Variants in KIAA0586 observed in about 807,000 individuals in gnomAD.
KIAA0586 encodes protein TALPID3.
A neutral mutation model predicts 169.8 loss-of-function variants in KIAA0586; 144 were observed. That is an observed-to-expected ratio of 0.85 (90% CI 0.74 to 0.97). KIAA0586 has a LOEUF of 0.97. KIAA0586 is among the 50% of genes least tolerant of loss of function. The pLI is 0.00. For synonymous variants in KIAA0586, 625 were observed against 612.4 expected (o/e 1.02, Z -0.30); for missense variants, 1,854 against 1,823.0 (o/e 1.02, Z -0.31).
chr14:58,530,015 G>A (rs1755676396), intron 29 of KIAA0586, among the ~76,000 whole-genome samples: 1 of 152,086 alleles, frequency 6.6e-6, no homozygotes, highest in African/African-American at 2.4e-5. Flanking sequence ...AAAGTCTCAG[G>A]GTACAAAATC....
chr14:58,519,750 G>C (rs911531684), intron 29 of KIAA0586, among the ~76,000 whole-genome samples: 3 of 152,166 alleles, frequency 2.0e-5, no homozygotes, highest in Admixed American at 6.6e-5. Context: ...TTGTTTCCCA[G>C]TGTAGCACTG....
chr14:58,528,595 T>C, intron 29 of KIAA0586, among the ~76,000 whole-genome samples: 1 of 152,222 alleles, frequency 6.6e-6, no homozygotes, highest in East Asian at 1.9e-4. Context: ...AACCTGCTCC[T>C]GAGTGACTAC....
At chr14:58,561,033 C>T in the KIAA0586 span, among the ~76,000 whole-genome samples, 274 of 152,296 alleles carry the variant, frequency 1.8e-3, 1 homozygote, top group Middle Eastern at 6.8e-3. Context: ...GGCAGGGAGA[C>T]TGTCCACAGA....
chr14:58,529,530 T>C (rs998814856), intron 29 of KIAA0586, among the ~76,000 whole-genome samples: 1 of 152,158 alleles, frequency 6.6e-6, no homozygotes, highest in African/African-American at 2.4e-5. Context: ...GCTTCATCCC[T>C]GGGGTGCAAG....
At chr14:58,467,578 G>A (rs752124866) in intron 15 of KIAA0586, among the ~76,000 whole-genome samples, 157 bp from the exon 16 acceptor site, 2 of 152,188 alleles carry the variant, frequency 1.3e-5, no homozygotes, top group Non-Finnish European at 2.9e-5. Flanking sequence ...ACTGGGTATG[G>A]TGAGTATGTC....
intron 8 of KIAA0586, among the ~76,000 whole-genome samples, chr14:58,452,266 A>C (rs911161930): frequency 5.3e-5 from 8 of 152,212 alleles, no homozygotes; most frequent in Non-Finnish European, 1.0e-4. Context: ...CCTGTTCCCC[A>C]AAAATCTATG....
At chr14:58,522,187 A>G (rs1352084018) in intron 29 of KIAA0586, among the ~76,000 whole-genome samples, 1 of 152,078 alleles carries the variant, frequency 6.6e-6, no homozygotes, top group Non-Finnish European at 1.5e-5. Context: ...TTGATGCCCT[A>G]GTAGTTTTGT....
At position 58,432,675 on chromosome 14, in the gene KIAA0586, T is replaced by C. The variant is rs545619642; in HGVS notation, c.410+218T>C. Reference sequence around the variant, plus strand: ...AGTATTAACTCATTTAACACACTTATAAAATAGATTTACTATCCCAATTTT... The same window carrying C: ...AGTATTAACTCATTTAACACACTTACAAAATAGATTTACTATCCCAATTTT... On this transcript the variant is annotated intron_variant, in intron 4 of 30. Transcript: ENST00000652326. Among the ~76,000 whole-genome samples the C allele has an allele frequency of 2.0e-4, 31 of 152,358 alleles. 1 individual carries two copies. Among genetic ancestry groups the C allele is most frequent in the Middle Eastern group, 6.8e-3 (2 of 294 alleles).
Position 58,540,120 on chromosome 14 carries a change from C to T in KIAA0586, c.4479C>T (p.Leu1493=). The change falls in exon 30 of 31, where the codon CTC becomes CTT. Residue 1493 remains leucine (L), a synonymous_variant. Coordinates refer to ENST00000652326, the MANE Select transcript of KIAA0586 (RefSeq NM_001329943.3). The part of the protein sequence containing the change: ...DRTQIELNPY[L]TCVFSGGKAV... The stretch of plus-strand genomic sequence containing the variant: ...CACAAATTGAGCTTAATCCGTACCT[C>T]ACATGTGTATTTTCAGGTAAGATTT... The T allele has an allele frequency of 6.4e-7, 1 of 1,553,466 alleles. No homozygotes were observed. Among genetic ancestry groups the T allele is most frequent in the Non-Finnish European group, 8.7e-7 (1 of 1,143,388 alleles).
At chr14:58,530,409 G>T (rs1049261715) in intron 29 of KIAA0586, among the ~76,000 whole-genome samples, 1 of 152,178 alleles carries the variant, frequency 6.6e-6, no homozygotes, top group Non-Finnish European at 1.5e-5. Flanking sequence ...AAAGAACAAA[G>T]CTGGAGGCAT....
chr14:58,485,485 T>G (rs2042379623), intron 21 of KIAA0586, among the ~76,000 whole-genome samples: 1 of 152,178 alleles, frequency 6.6e-6, no homozygotes, highest in African/African-American at 2.4e-5. Context: ...CAATATCTAT[T>G]CAAATTAAAA....
intron 4 of KIAA0586, chr14:58,440,134 C>T: frequency 2.4e-6 from 1 of 420,168 alleles, no homozygotes; most frequent in South Asian, 1.6e-5. Flanking sequence ...CTTCCTGCCT[C>T]AGCCTCCCAC....
At chr14:58,524,591 C>T (rs2139923927) in intron 29 of KIAA0586, among the ~76,000 whole-genome samples, 1 of 152,308 alleles carries the variant, frequency 6.6e-6, no homozygotes, top group East Asian at 1.9e-4. Context: ...GAATTAGAGG[C>T]ACTTTGGAGA....
intron 25 of KIAA0586, among the ~76,000 whole-genome samples, chr14:58,490,586 A>G (rs1290042223): frequency 6.6e-6 from 1 of 152,072 alleles, no homozygotes; most frequent in Non-Finnish European, 1.5e-5. Context: ...CTTGTAATAC[A>G]TTTGTTATTT....
chr14:58,440,368 G>C (rs896321148), intron 4 of KIAA0586, among the ~76,000 whole-genome samples: 1 of 151,302 alleles, frequency 6.6e-6, no homozygotes, highest in Non-Finnish European at 1.5e-5. Context: ...TTTCGCTCTT[G>C]TCGCCCAGGC....
chr14:58,447,322 G>A (rs1252071541), intron 6 of KIAA0586, among the ~76,000 whole-genome samples: 1 of 151,998 alleles, frequency 6.6e-6, no homozygotes, highest in African/African-American at 2.4e-5. Context: ...CTGTATCAAA[G>A]TATTTCATGT....
intron 26 of KIAA0586, among the ~76,000 whole-genome samples, chr14:58,495,578 A>G (rs528955744): frequency 3.9e-5 from 6 of 152,230 alleles, no homozygotes; most frequent in Non-Finnish European, 7.4e-5. Flanking sequence ...GATTATAGGC[A>G]TGAGCCACCA....
intron 5 of KIAA0586, 91 bp downstream of exon 5, chr14:58,442,971 A>G (rs927356383): frequency 1.3e-5 from 12 of 918,350 alleles, no homozygotes; most frequent in Non-Finnish European, 2.0e-5. Context: ...GTGTCCAGTT[A>G]TAGACTAGGA....
At chr14:58,520,394 C>T (rs569426496) in intron 29 of KIAA0586, among the ~76,000 whole-genome samples, 1 of 152,272 alleles carries the variant, frequency 6.6e-6, no homozygotes, top group South Asian at 2.1e-4. Flanking sequence ...AATCTACTTT[C>T]TGTCTCTATG....
Sources: allele counts gnomAD v4.1 joint callset (sites outside exome capture counted in the v4.1 genomes callset), GRCh38; gene constraint gnomAD v4.1.1; transcripts MANE v1.5; gene names NCBI Gene and HGNC (gene_info 2026-07-23, HGNC 2026-07-21).